Variants in PKP4 observed in about 807,000 individuals in gnomAD.
PKP4 encodes plakophilin 4, also known as plakophilin-4.
A neutral mutation model predicts 145.1 loss-of-function variants in PKP4; 90 were observed. The observed-to-expected ratio is 0.62, with a 90% CI of 0.52 to 0.74. PKP4 has a LOEUF of 0.74. Ranked by LOEUF, PKP4 falls within the 30% of genes least tolerant of loss-of-function variation. The pLI, the probability that PKP4 is intolerant of heterozygous loss-of-function variation, is 0.00. For missense variants in PKP4, 1,340 were observed against 1,482.7 expected (o/e 0.90, Z 1.58); for synonymous variants, 563 against 577.2 (o/e 0.98, Z 0.35).
chr2:158,665,818 A>C (rs2057031445), intron 15 of PKP4: 1 of 152,228 alleles, frequency 6.6e-6, no homozygotes, highest in South Asian at 2.1e-4. Context: ...ATCTTGAGTG[A>C]GAATGCATTT....
chr2:158,678,066 C>T (rs1478783783), intron 20 of PKP4, among the ~76,000 whole-genome samples: 2 of 152,142 alleles, frequency 1.3e-5, no homozygotes, highest in Non-Finnish European at 2.9e-5. Context: ...CTTAAATATG[C>T]CAGGTACAAG....
intron 1 of PKP4, among the ~76,000 whole-genome samples, chr2:158,461,437 A>C (rs906210762): frequency 6.6e-6 from 1 of 152,164 alleles, no homozygotes; most frequent in African/African-American, 2.4e-5. Flanking sequence ...ATATATAATG[A>C]TTCATTGCAG....
At chr2:158,469,903 T>C (rs1307764868) in intron 1 of PKP4, among the ~76,000 whole-genome samples, 1 of 152,228 alleles carries the variant, frequency 6.6e-6, no homozygotes, top group African/African-American at 2.4e-5. Flanking sequence ...TGTCCTTCTC[T>C]GCCTGGTGAG....
intron 1 of PKP4, among the ~76,000 whole-genome samples, chr2:158,486,950 G>A (rs1185428602): frequency 1.3e-5 from 2 of 152,202 alleles, no homozygotes; most frequent in African/African-American, 4.8e-5. Flanking sequence ...ATTACAGTCA[G>A]AATTACAGTA....
At chr2:158,540,656 CT>C (rs1446533538) in intron 2 of PKP4, among the ~76,000 whole-genome samples, 1 of 152,022 alleles carries the variant, frequency 6.6e-6, no homozygotes, top group Non-Finnish European at 1.5e-5. Flanking sequence ...CTTTTGCCCC[CT>C]TTTAGTTTAA....
intron 1 of PKP4, among the ~76,000 whole-genome samples, chr2:158,499,892 CAA>C (rs2105491201): frequency 1.3e-5 from 2 of 152,302 alleles, no homozygotes; most frequent in Admixed American, 1.3e-4. Flanking sequence ...ATGAATTAAA[CAA>C]AGTCTCACCT....
intron 2 of PKP4, among the ~76,000 whole-genome samples, chr2:158,536,559 G>A (rs1255042680): frequency 6.6e-6 from 1 of 152,170 alleles, no homozygotes; most frequent in Non-Finnish European, 1.5e-5. Context: ...CAAACCGTTA[G>A]TCTATTAAAT....
At chr2:158,592,663 CT>C (rs2049376362) in intron 3 of PKP4, among the ~76,000 whole-genome samples, 1 of 152,046 alleles carries the variant, frequency 6.6e-6, no homozygotes, top group South Asian at 2.1e-4. Flanking sequence ...GAATATCATT[CT>C]TTAGACACAC....
chr2:158,674,478 A>G (rs2057831114), intron 19 of PKP4, among the ~76,000 whole-genome samples: 1 of 152,198 alleles, frequency 6.6e-6, no homozygotes, highest in African/African-American at 2.4e-5. Context: ...AGGTCTTCAG[A>G]TCCGCAACCT....
At chr2:158,537,290 T>C (rs769398691) in intron 2 of PKP4, among the ~76,000 whole-genome samples, 4 of 152,228 alleles carry the variant, frequency 2.6e-5, no homozygotes, top group Admixed American at 6.5e-5. Context: ...TTCATATCTA[T>C]GGTCAAATAA....
At chr2:158,579,673 A>G (rs1311253465) in intron 3 of PKP4, among the ~76,000 whole-genome samples, 1 of 152,136 alleles carries the variant, frequency 6.6e-6, no homozygotes, top group East Asian at 1.9e-4. Flanking sequence ...GAAATGGAAA[A>G]TAAACTGTTA....
intron 1 of PKP4, among the ~76,000 whole-genome samples, chr2:158,500,155 T>C (rs1355241223): frequency 1.3e-5 from 2 of 152,192 alleles, no homozygotes; most frequent in Non-Finnish European, 2.9e-5. Context: ...AATTACTCTA[T>C]TTTTACTAGT....
At chr2:158,677,600 A>AAAAAT (rs1242173934) in intron 20 of PKP4, among the ~76,000 whole-genome samples, 1 of 152,224 alleles carries the variant, frequency 6.6e-6, no homozygotes, top group Admixed American at 6.5e-5. Context: ...CCTGTCTATT[A>AAAAAT]AAAATAAATA....
chr2:158,609,613 T>C (rs1266823181), intron 4 of PKP4, among the ~76,000 whole-genome samples: 1 of 152,238 alleles, frequency 6.6e-6, no homozygotes, highest in Non-Finnish European at 1.5e-5. Flanking sequence ...AATGGTTTGA[T>C]CACTGCTTAG....
intron 15 of PKP4, 127 bp downstream of exon 15, chr2:158,663,572 T>G: frequency 1.3e-6 from 1 of 774,768 alleles, no homozygotes; most frequent in Admixed American, 2.8e-5. Context: ...ACTTAGCTTG[T>G]GTGTGAAGGG....
chr2:158,519,582 A>G lies in PKP4; in HGVS notation c.-5-13598A>G, dbSNP rs141167038. Among the ~76,000 whole-genome samples the G allele has an allele frequency of 1.1e-3, 174 of 152,144 alleles. 1 individual carries two copies. Among genetic ancestry groups the G allele is most frequent in the African/African-American group, 3.9e-3 (163 of 41,516 alleles). ...TCTGAACCTCGAGCTCTGTCACCCA[A>G]TGCTCCATCCTCTAAAGCCAGCCTT... On this transcript the variant is annotated intron_variant, in intron 1 of 21. Coordinates refer to ENST00000389759, the MANE Select transcript of PKP4 (RefSeq NM_003628.6).
chr2:158,549,792 C>T (rs143600434), intron 2 of PKP4, among the ~76,000 whole-genome samples: 7 of 152,082 alleles, frequency 4.6e-5, no homozygotes, highest in South Asian at 2.1e-4. Context: ...GATTTAATTC[C>T]GATGATTTTA....
intron 1 of PKP4, among the ~76,000 whole-genome samples, chr2:158,476,748 A>G (rs1461931470): frequency 1.3e-5 from 2 of 151,966 alleles, no homozygotes; most frequent in Non-Finnish European, 2.9e-5. Flanking sequence ...AAATCCATGC[A>G]TTTGCAGAAA....
In PKP4 at chr2:158,583,805, G is replaced by C. The variant is rs572288914; in HGVS notation, c.245+6422G>C. ...TAAAGTCCCACTTTGGTATGCCAGG[G>C]TATTCTTTAAACAATCTTTTTTTAA... On this transcript the variant is annotated intron_variant, in intron 3 of 21. Transcript: ENST00000389759. Among the ~76,000 whole-genome samples the C allele has an allele frequency of 1.3e-3, 198 of 151,864 alleles. 1 individual carries two copies. Among genetic ancestry groups the C allele is most frequent in the African/African-American group, 4.6e-3 (191 of 41,398 alleles).
Sources: gnomAD v4.1 joint callset for allele counts (sites outside exome capture counted in the v4.1 genomes callset) on GRCh38, gnomAD v4.1.1 for gene constraint, MANE v1.5 for transcripts, NCBI Gene and HGNC (gene_info 2026-07-23, HGNC 2026-07-21) for gene names.